HSPA12A: variants seen among roughly 807,000 people sequenced by gnomAD.
The protein encoded by HSPA12A is heat shock 70 kDa protein 12A.
A neutral mutation model predicts 69.2 loss-of-function variants in HSPA12A; 28 were observed. The ratio of observed to expected loss-of-function variants is 0.40; its 90% CI spans 0.30 to 0.55. HSPA12A has a LOEUF of 0.55. Among genes scored for constraint, HSPA12A ranks in the 20% least tolerant of loss-of-function variants. The pLI is 0.38. For missense variants in HSPA12A, 686 were observed against 900.7 expected, an observed-to-expected ratio of 0.76 and a Z score of 3.05; for synonymous variants, 345 against 370.5, an observed-to-expected ratio of 0.93 and a Z score of 0.79.
intron 2 of HSPA12A, among the ~76,000 whole-genome samples, chr10:116,790,740 G>C (rs1304645022): frequency 1.3e-5 from 2 of 152,050 alleles, no homozygotes; most frequent in African/African-American, 4.8e-5. Flanking sequence ...GCCCAGGCTG[G>C]AGTGCAGTGG....
At chr10:116,692,089 A>T (rs186338634) in intron 6 of HSPA12A, among the ~76,000 whole-genome samples, 101 of 152,338 alleles carry the variant, frequency 6.6e-4, no homozygotes, top group African/African-American at 2.3e-3. Context: ...CAGTAGAAAC[A>T]TGACCTGGAA....
In HSPA12A at chr10:116,681,136, C is replaced by G; in HGVS notation, c.1027+16G>C. 1 of 1,563,104 alleles carries G rather than the reference C, an allele frequency of 6.4e-7. No homozygotes were observed. The highest frequency in any genetic ancestry group is 8.8e-7 in the Non-Finnish European group (1 of 1,133,768). Reference sequence around the variant, plus strand: ...ATTGGCTCAGGAATAAGAAAATTAGCCCTGCAGGGCCTCACCTGTTGCTTT... The same window carrying G: ...ATTGGCTCAGGAATAAGAAAATTAGGCCTGCAGGGCCTCACCTGTTGCTTT... On this transcript the variant is annotated intron_variant, in intron 9 of 11. Transcript: ENST00000369209.
Position 116,748,915 on chromosome 10 carries a change from G to A in HSPA12A, c.92-41630C>T, listed in dbSNP as rs114872408. 5.6e-3 allele frequency among the ~76,000 whole-genome samples: 858 copies of A among 152,288 alleles called. 10 individuals carry two copies. Among genetic ancestry groups the A allele is most frequent in the African/African-American group, 0.02 (815 of 41,554 alleles). On this transcript the variant is annotated intron_variant, in intron 2 of 12. Coordinates refer to the HSPA12A transcript ENST00000635765. ...CCATATCACTGGGTTCCTGGTGGCA[G>A]CCCTGTGGGAGCTGGGACCAGTCAC...
At chr10:116,847,119 T>C (rs1845901552) in intron 1 of HSPA12A, among the ~76,000 whole-genome samples, 1 of 152,200 alleles carries the variant, frequency 6.6e-6, no homozygotes, top group African/African-American at 2.4e-5. Context: ...TCTACACATC[T>C]AACACCCAAT....
At chr10:116,848,499 G>A (rs1010984453) in intron 1 of HSPA12A, among the ~76,000 whole-genome samples, 11 of 152,186 alleles carry the variant, frequency 7.2e-5, no homozygotes, top group Admixed American at 2.0e-4. Context: ...TCCAGAGGGG[G>A]GAAAGTGTGG....
intron 6 of HSPA12A, among the ~76,000 whole-genome samples, chr10:116,685,717 G>T (rs558380329): frequency 4.9e-4 from 75 of 152,098 alleles, no homozygotes; most frequent in Admixed American, 1.2e-3. Flanking sequence ...AGAGAGGGAG[G>T]GTGGCCCACT....
chr10:116,849,038 G>T (rs80350443), intron 1 of HSPA12A, among the ~76,000 whole-genome samples: 1 of 152,174 alleles, frequency 6.6e-6, no homozygotes, highest in African/African-American at 2.4e-5. Context: ...GCTCAGTAAG[G>T]ATGCCCTGAG....
chr10:116,777,516 C>T (rs898013405), intron 2 of HSPA12A, among the ~76,000 whole-genome samples: 4 of 152,318 alleles, frequency 2.6e-5, no homozygotes, highest in East Asian at 3.9e-4. Context: ...CAGGCCTCCT[C>T]GTGCCCAGAC....
chr10:116,822,507 T>A (rs1190458768), intron 2 of HSPA12A, among the ~76,000 whole-genome samples: 1 of 152,180 alleles, frequency 6.6e-6, no homozygotes, highest in African/African-American at 2.4e-5. Flanking sequence ...AAGAGACCGG[T>A]AGAAATGAGG....
intron 2 of HSPA12A, among the ~76,000 whole-genome samples, chr10:116,780,335 T>A (rs902320815): frequency 3.3e-5 from 5 of 151,698 alleles, no homozygotes; most frequent in Admixed American, 2.0e-4. Flanking sequence ...TTTTTATTTA[T>A]TTTTATTTTA....
At chr10:116,758,266 C>T (rs565374099) in intron 2 of HSPA12A, among the ~76,000 whole-genome samples, 9 of 152,260 alleles carry the variant, frequency 5.9e-5, no homozygotes, top group African/African-American at 2.2e-4. Context: ...CTCTGCTCAC[C>T]CTTGCCCCAC....
intron 2 of HSPA12A, among the ~76,000 whole-genome samples, chr10:116,756,166 A>G (rs1843845370): frequency 1.3e-5 from 2 of 152,146 alleles, no homozygotes; most frequent in African/African-American, 2.4e-5. Flanking sequence ...TTAAGGCTTT[A>G]TAATCTTTTT....
intron 1 of HSPA12A, chr10:116,835,114 G>C (rs1380716970): frequency 1.4e-5 from 10 of 733,016 alleles, no homozygotes; most frequent in African/African-American, 1.8e-5. Flanking sequence ...TTGACGGTTT[G>C]TAAGAGGCAG....
chr10:116,736,830 G>A (rs76184948), intron 1 of HSPA12A, among the ~76,000 whole-genome samples: 1 of 152,260 alleles, frequency 6.6e-6, no homozygotes, highest in East Asian at 1.9e-4. Context: ...TTCCAGAAAT[G>A]TAAGATAATA....
intron 7 of HSPA12A, among the ~76,000 whole-genome samples, chr10:116,682,922 C>T (rs1849462418): frequency 7.1e-6 from 1 of 140,572 alleles, no homozygotes; most frequent in Non-Finnish European, 1.5e-5. Context: ...TCACCGTGGT[C>T]TGGATTTCCT....
At chr10:116,730,777 CT>C (rs1331848051) in intron 1 of HSPA12A, among the ~76,000 whole-genome samples, 1 of 152,256 alleles carries the variant, frequency 6.6e-6, no homozygotes, top group Non-Finnish European at 1.5e-5. Flanking sequence ...TCAAAAATAT[CT>C]TGGAAAGCAT....
At chr10:116,741,970 G>A (rs1851522620) in intron 1 of HSPA12A, among the ~76,000 whole-genome samples, 2 of 152,158 alleles carry the variant, frequency 1.3e-5, no homozygotes, top group South Asian at 2.1e-4. Flanking sequence ...TTTCCCCCAG[G>A]CTCCCACTCC....
intron 1 of HSPA12A, among the ~76,000 whole-genome samples, chr10:116,839,120 T>C (rs900055681): frequency 2.5e-4 from 38 of 152,242 alleles, no homozygotes; most frequent in Admixed American, 8.5e-4. Flanking sequence ...AAGGTGAATA[T>C]ACTTTCACAG....
chr10:116,732,324 A>AAAG (rs1554885895), intron 1 of HSPA12A, among the ~76,000 whole-genome samples: 1 of 27,506 alleles, frequency 3.6e-5, no homozygotes, highest in Non-Finnish European at 9.3e-5. Flanking sequence ...CGTCTCAAAA[A>AAAG]AAACAAAGAA....
Sources: gnomAD v4.1 joint callset for allele counts (sites outside exome capture counted in the v4.1 genomes callset) on GRCh38, gnomAD v4.1.1 for gene constraint, MANE v1.5 for transcripts, NCBI Gene and HGNC (gene_info 2026-07-23, HGNC 2026-07-21) for gene names.